Variants in RGS13 observed in about 807,000 individuals in gnomAD.
The protein encoded by RGS13 is regulator of G-protein signalling 13.
In RGS13, 14 loss-of-function variants were observed where a neutral mutation model predicts 19.9. That is an observed-to-expected ratio of 0.70 (90% CI 0.46 to 1.10). RGS13 has a LOEUF of 1.10. Among genes scored for constraint, RGS13 ranks in the 50% least tolerant of loss-of-function variants. The pLI, the probability that RGS13 is intolerant of heterozygous loss-of-function variation, is 0.00. For missense variants in RGS13, 205 were observed against 187.1 expected (o/e 1.10, Z -0.56); for synonymous variants, 60 against 56.8 (o/e 1.06, Z -0.25).
At chr1:192,638,788 A>G (rs1368245815) in intron 3 of RGS13, among the ~76,000 whole-genome samples, 3 of 152,074 alleles carry the variant, frequency 2.0e-5, no homozygotes, top group Non-Finnish European at 2.9e-5. Context: ...TCTGTCACTA[A>G]ATATTTTCTG....
intron 3 of RGS13, among the ~76,000 whole-genome samples, chr1:192,644,016 T>C (rs999198173): frequency 2.6e-5 from 4 of 152,056 alleles, no homozygotes; most frequent in African/African-American, 9.7e-5. Flanking sequence ...GGTAAATTCG[T>C]TATCGGTAAG....
At position 192,660,257 on chromosome 1, in the gene RGS13, T is replaced by A. The variant is rs1663600248; in HGVS notation, c.*734T>A. 1 of 152,154 alleles carries A rather than the reference T, an allele frequency of 6.6e-6. No individual in the cohort carries two copies. The highest frequency in any genetic ancestry group is 6.5e-5 in the Admixed American group (1 of 15,270). 9.4% of individuals were successfully genotyped at this position (152,154 alleles called of 1,614,324 possible). A position where few individuals can be genotyped will look rare whatever the true frequency, so the allele number is the denominator to read the frequency against. On this transcript the variant is annotated 3_prime_UTR_variant, in exon 7 of 7. Coordinates refer to ENST00000391995, the MANE Select transcript of RGS13 (RefSeq NM_002927.5). Reference sequence around the variant, plus strand: ...GAAATCAATAAAGTCAAATATCAACTAAAGACTTACATTATCTTTCTCAAA... The same window carrying A: ...GAAATCAATAAAGTCAAATATCAACAAAAGACTTACATTATCTTTCTCAAA...
chr1:192,645,229 C>G (rs1418309981), intron 4 of RGS13: 1 of 152,166 alleles, frequency 6.6e-6, no homozygotes, highest in African/African-American at 2.4e-5. Context: ...TAAGGGACAG[C>G]TCTCCTTTCT....
rs1350873274 is a variant in RGS13 at position 192,659,329 on chromosome 1, A to T, written c.295-9A>T. ...AACTTAATGCTGTACATGTAATTTC[A>T]CTTTTCAGATTAACATTGACAGTTC... On this transcript the variant is annotated splice_polypyrimidine_tract_variant and intron_variant, in intron 6 of 6. Coordinates refer to ENST00000391995, the MANE Select transcript of RGS13 (RefSeq NM_002927.5). 6.2e-7 allele frequency: 1 copy of T among 1,603,914 alleles called. No individual in the cohort carries two copies. Among genetic ancestry groups the T allele is most frequent in the African/African-American group, 1.3e-5 (1 of 74,396 alleles).
intron 4 of RGS13, chr1:192,646,504 C>T (rs960326980): frequency 6.6e-6 from 1 of 152,104 alleles, no homozygotes; most frequent in Admixed American, 6.6e-5. Flanking sequence ...AACCTTTATT[C>T]TAAGTTCATG....
At chr1:192,642,322 CTT>C (rs200314337) in intron 3 of RGS13, among the ~76,000 whole-genome samples, 4,575 of 136,462 alleles carry the variant, frequency 0.034, 163 homozygotes, top group East Asian at 0.12. Flanking sequence ...AACATAATTC[CTT>C]TTTTTTTTTT....
chr1:192,640,321 G>C (rs1350410218), intron 3 of RGS13, among the ~76,000 whole-genome samples: 1 of 152,134 alleles, frequency 6.6e-6, no homozygotes, highest in African/African-American at 2.4e-5. Flanking sequence ...CACAGGACCA[G>C]CTATTGACAG....
At chr1:192,652,638 G>T (rs1663363364) in intron 5 of RGS13, among the ~76,000 whole-genome samples, 1 of 151,808 alleles carries the variant, frequency 6.6e-6, no homozygotes, top group Admixed American at 6.6e-5. Context: ...AAACCAAAAA[G>T]CAATAGCATT....
chr1:192,656,556 C>T (rs1663447415), intron 5 of RGS13, among the ~76,000 whole-genome samples: 1 of 152,052 alleles, frequency 6.6e-6, no homozygotes, highest in African/African-American at 2.4e-5. Context: ...ATCCCCCTCA[C>T]ATTGGATAGG....
In RGS13 at chr1:192,659,750, T is replaced by C. The variant is rs1350368825; in HGVS notation, c.*227T>C. ...GCAAGCCTATGTAGTTCAATTAATA[T>C]ATAAGGAAAAGGAAGGTCTTTCTTC... On this transcript the variant is annotated 3_prime_UTR_variant, in exon 7 of 7. Coordinates refer to ENST00000391995, the MANE Select transcript of RGS13 (RefSeq NM_002927.5). The C allele has an allele frequency of 1.6e-5, 6 of 378,378 alleles. No individual in the cohort carries two copies. The Admixed American group carries it at 2.7e-4, about 17-fold the overall frequency. 23.4% of individuals were successfully genotyped at this position (378,378 alleles called of 1,614,324 possible).
chr1:192,644,826 TC>T (rs1663187023), intron 4 of RGS13: 1 of 155,044 alleles, frequency 6.4e-6, no homozygotes, highest in Admixed American at 6.5e-5. Flanking sequence ...TCCACACTTT[TC>T]TATAACTCAA....
intron 5 of RGS13, among the ~76,000 whole-genome samples, chr1:192,657,631 T>C (rs16834597): frequency 0.031 from 4,792 of 152,246 alleles, 230 homozygotes; most frequent in African/African-American, 0.11. Flanking sequence ...CCCTTATTTC[T>C]GGCTTGAACC....
intron 3 of RGS13, among the ~76,000 whole-genome samples, chr1:192,643,276 T>G (rs1386448572): frequency 6.6e-6 from 1 of 152,160 alleles, no homozygotes; most frequent in Non-Finnish European, 1.5e-5. Flanking sequence ...GACTTTTGAA[T>G]GAATCGTAAA....
intron 5 of RGS13, among the ~76,000 whole-genome samples, chr1:192,652,250 G>C (rs1663355967): frequency 6.6e-6 from 1 of 152,078 alleles, no homozygotes; most frequent in African/African-American, 2.4e-5. Context: ...GTGGGCTGGT[G>C]CATCTTCCTC....
intron 3 of RGS13, among the ~76,000 whole-genome samples, chr1:192,643,095 A>G (rs1277972364): frequency 6.6e-6 from 1 of 152,018 alleles, no homozygotes; most frequent in East Asian, 1.9e-4. Flanking sequence ...TCCTGGGCTC[A>G]AGCAATCCTC....
intron 3 of RGS13, among the ~76,000 whole-genome samples, chr1:192,643,098 C>A (rs1027044277): frequency 3.3e-5 from 5 of 152,034 alleles, no homozygotes; most frequent in African/African-American, 1.2e-4. Context: ...TGGGCTCAAG[C>A]AATCCTCCCC....
chr1:192,647,809 C>A, intron 4 of RGS13, 117 bp from the exon 5 acceptor site: 1 of 505,698 alleles, frequency 2.0e-6, no homozygotes, highest in Non-Finnish European at 3.4e-6. Flanking sequence ...CAAAGCCACA[C>A]ACAAATGGAA....
chr1:192,648,918 C>T (rs1296565139), intron 5 of RGS13, among the ~76,000 whole-genome samples: 1 of 152,080 alleles, frequency 6.6e-6, no homozygotes, highest in Non-Finnish European at 1.5e-5. Context: ...ACTACCTGCT[C>T]TTTCTGACTC....
intron 5 of RGS13, among the ~76,000 whole-genome samples, chr1:192,654,038 G>A (rs929930832): frequency 2.0e-5 from 3 of 151,726 alleles, no homozygotes; most frequent in East Asian, 1.9e-4. Context: ...CCAACATGGC[G>A]CATGTATACA....
Sources: allele counts gnomAD v4.1 joint callset (sites outside exome capture counted in the v4.1 genomes callset), GRCh38; gene constraint gnomAD v4.1.1; transcripts MANE v1.5; gene names NCBI Gene and HGNC (gene_info 2026-07-23, HGNC 2026-07-21).